PTPRG: variants seen among roughly 807,000 people sequenced by gnomAD.
PTPRG encodes the protein receptor-type tyrosine-protein phosphatase gamma.
A neutral mutation model predicts 165.3 loss-of-function variants in PTPRG; 102 were observed. The ratio of observed to expected loss-of-function variants is 0.62; its 90% CI spans 0.53 to 0.73. PTPRG has a LOEUF of 0.73. Among genes scored for constraint, PTPRG ranks in the 30% least tolerant of loss-of-function variants. The pLI is 0.00. For missense variants in PTPRG, 1,866 were observed against 1,861.4 expected (o/e 1.00, Z -0.05); for synonymous variants, 675 against 669.5 (o/e 1.01, Z -0.13).
intron 6 of PTPRG, among the ~76,000 whole-genome samples, chr3:62,148,579 C>T (rs1704207537): frequency 6.6e-6 from 1 of 152,036 alleles, no homozygotes; most frequent in African/African-American, 2.4e-5. Context: ...GCCTGGGCAA[C>T]ATGGTGAAAC....
chr3:62,143,907 G>A (rs1704020549), intron 6 of PTPRG, among the ~76,000 whole-genome samples: 1 of 152,152 alleles, frequency 6.6e-6, no homozygotes. Context: ...TATCTCACGA[G>A]TATCATCGCT....
Position 62,291,793 on chromosome 3 carries a change from G to A in PTPRG, c.4056-628G>A, listed in dbSNP as rs113865601. Among the ~76,000 whole-genome samples the A allele has an allele frequency of 7.3e-3, 1,116 of 152,154 alleles. 11 individuals are homozygous for A. The highest frequency in any genetic ancestry group is 0.017 in the Middle Eastern group (5 of 294). On this transcript the variant is annotated intron_variant, in intron 28 of 29. Transcript: ENST00000474889. ...TGTGAAAAGTGGAGTTGCCAACCTG[G>A]CCTGATGGAAATTTACTACCTTTCT... is the stretch of plus-strand genomic sequence containing the variant.
At chr3:61,948,059 T>C (rs2039807565) in intron 2 of PTPRG, among the ~76,000 whole-genome samples, 1 of 152,130 alleles carries the variant, frequency 6.6e-6, no homozygotes, top group African/African-American at 2.4e-5. Flanking sequence ...GCGCAGTGGC[T>C]CAAGCCTGTA....
At chr3:61,647,717 G>A (rs1414657006) in intron 1 of PTPRG, among the ~76,000 whole-genome samples, 1 of 150,866 alleles carries the variant, frequency 6.6e-6, no homozygotes. Flanking sequence ...GTGTGAACCT[G>A]GGAGGCGGAG....
At chr3:61,947,510 C>G (rs1205477308) in intron 2 of PTPRG, among the ~76,000 whole-genome samples, 1 of 151,968 alleles carries the variant, frequency 6.6e-6, no homozygotes, top group Non-Finnish European at 1.5e-5. Context: ...TGGAGGTTGC[C>G]CAGATGGAGG....
At chr3:62,270,655 CA>C (rs1702029888) in intron 20 of PTPRG, among the ~76,000 whole-genome samples, 2 of 152,092 alleles carry the variant, frequency 1.3e-5, no homozygotes, top group African/African-American at 2.4e-5. Flanking sequence ...GGCCTTTGTA[CA>C]ATAGCACAGG....
intron 2 of PTPRG, among the ~76,000 whole-genome samples, chr3:61,875,122 T>C (rs2037698066): frequency 6.6e-6 from 1 of 152,204 alleles, no homozygotes; most frequent in Non-Finnish European, 1.5e-5. Context: ...AATCTTTTGC[T>C]CTAGCTTTTG....
intron 8 of PTPRG, among the ~76,000 whole-genome samples, chr3:62,186,110 G>A (rs2106789691): frequency 6.6e-6 from 1 of 152,282 alleles, no homozygotes; most frequent in East Asian, 1.9e-4. Flanking sequence ...TTTGACGGGT[G>A]TCTGGTACTA....
chr3:61,849,596 A>T (rs2036903735), intron 2 of PTPRG, among the ~76,000 whole-genome samples: 1 of 152,228 alleles, frequency 6.6e-6, no homozygotes, highest in Non-Finnish European at 1.5e-5. Context: ...AACTTAATGA[A>T]ATAGGTGATG....
chr3:61,814,904 A>G (rs957935552), intron 2 of PTPRG, among the ~76,000 whole-genome samples: 3 of 151,896 alleles, frequency 2.0e-5, no homozygotes, highest in African/African-American at 4.8e-5. Flanking sequence ...AGCAGTTTTT[A>G]TTGCTATTTC....
chr3:61,751,866 G>T (rs1403826083), intron 2 of PTPRG, among the ~76,000 whole-genome samples: 1 of 152,010 alleles, frequency 6.6e-6, no homozygotes, highest in Non-Finnish European at 1.5e-5. Flanking sequence ...AGCGGTGGGC[G>T]CCTGTAGTCC....
intron 5 of PTPRG, among the ~76,000 whole-genome samples, chr3:62,121,835 G>A (rs1445357258): frequency 6.6e-6 from 1 of 152,194 alleles, no homozygotes; most frequent in Non-Finnish European, 1.5e-5. Flanking sequence ...AGTTGGCCCA[G>A]TGAGGAAATG....
chr3:62,105,113 TTTA>T (rs1702428025), intron 5 of PTPRG, among the ~76,000 whole-genome samples: 1 of 152,248 alleles, frequency 6.6e-6, no homozygotes, highest in South Asian at 2.1e-4. Context: ...TGCTGTATTT[TTTA>T]TTAATGGATC....
chr3:61,971,925 G>A (rs1281805163), intron 2 of PTPRG, among the ~76,000 whole-genome samples: 12 of 152,254 alleles, frequency 7.9e-5, no homozygotes, highest in Admixed American at 7.9e-4. Flanking sequence ...GTGTGTTTTA[G>A]AATACTTATT....
intron 4 of PTPRG, among the ~76,000 whole-genome samples, chr3:62,023,147 A>G (rs143728022): frequency 9.8e-5 from 15 of 152,318 alleles, no homozygotes; most frequent in African/African-American, 2.9e-4. Flanking sequence ...AATGCTAACA[A>G]TGCATATTAT....
At chr3:62,187,149 A>C (rs1274522260) in intron 8 of PTPRG, among the ~76,000 whole-genome samples, 1 of 152,262 alleles carries the variant, frequency 6.6e-6, no homozygotes, top group African/African-American at 2.4e-5. Context: ...GCTTCCACCT[A>C]GTGGGGGAGA....
chr3:61,980,154 A>C (rs760987503), intron 2 of PTPRG, among the ~76,000 whole-genome samples: 1 of 152,188 alleles, frequency 6.6e-6, no homozygotes, highest in Non-Finnish European at 1.5e-5. Flanking sequence ...CAAAGAAAGG[A>C]AATCCTGGCC....
chr3:61,731,542 T>G (rs902987059), intron 1 of PTPRG, among the ~76,000 whole-genome samples: 2 of 151,950 alleles, frequency 1.3e-5, no homozygotes, highest in Non-Finnish European at 2.9e-5. Flanking sequence ...AGAGACAGGG[T>G]TTCACCATGT....
At position 62,290,566 on chromosome 3, in the gene PTPRG, G is replaced by A. The variant is rs574949360; in HGVS notation, c.4056-1855G>A. On this transcript the variant is annotated intron_variant, in intron 28 of 29. Transcript: ENST00000474889. ...AAGGAATTGGGATACACGTGGGGAGGTACAAAAAATAGACAAACAGAATAA... is the reference window on the plus strand; with the variant it reads ...AAGGAATTGGGATACACGTGGGGAGATACAAAAAATAGACAAACAGAATAA... Among the ~76,000 whole-genome samples the A allele has an allele frequency of 4.6e-5, 7 of 152,136 alleles. No homozygotes were observed. The East Asian group carries it at 1.2e-3, about 25-fold the overall frequency.
Sources: gnomAD v4.1 joint callset for allele counts (sites outside exome capture counted in the v4.1 genomes callset) on GRCh38, gnomAD v4.1.1 for gene constraint, MANE v1.5 for transcripts, NCBI Gene and HGNC (gene_info 2026-07-23, HGNC 2026-07-21) for gene names.